SCAPER: variants seen among roughly 807,000 people sequenced by gnomAD.
The protein encoded by SCAPER is S phase cyclin A-associated protein in the endoplasmic reticulum.
Under a neutral mutation model 182.2 loss-of-function variants are expected in SCAPER, and 98 were observed. The observed-to-expected ratio is 0.54, with a 90% CI of 0.46 to 0.64. The LOEUF is 0.64. Among genes scored for constraint, SCAPER ranks in the 30% least tolerant of loss-of-function variants. The pLI is 0.00. For missense variants in SCAPER, 1,432 were observed against 1,690.0 expected (o/e 0.85, Z 2.68); for synonymous variants, 605 against 564.6 (o/e 1.07, Z -1.01).
At position 76,348,521 on chromosome 15, in the gene SCAPER, G is replaced by T; in HGVS notation, c.*112C>A. 3.0e-6 allele frequency: 2 copies of T among 667,190 alleles called. No homozygotes were observed. Among genetic ancestry groups the T allele is most frequent in the Non-Finnish European group, 5.1e-6 (2 of 393,892 alleles). 41.3% of individuals were successfully genotyped at this position (667,190 alleles called of 1,614,324 possible). The stretch of plus-strand genomic sequence containing the variant: ...GTAAAGTACATGCCATATCTACAGT[G>T]TGGGAAGAGTATAAACATGGGAAAA... On this transcript the variant is annotated 3_prime_UTR_variant, in exon 32 of 32. Coordinates refer to ENST00000563290, the MANE Select transcript of SCAPER (RefSeq NM_020843.4).
At chr15:76,536,581 T>A (rs1379161906) in intron 23 of SCAPER, among the ~76,000 whole-genome samples, 1 of 152,212 alleles carries the variant, frequency 6.6e-6, no homozygotes, top group African/African-American at 2.4e-5. Flanking sequence ...ATTTTCCAGC[T>A]TTAAAATGCA....
chr15:76,673,926 A>G (rs1043299930), intron 20 of SCAPER, among the ~76,000 whole-genome samples: 1 of 149,348 alleles, frequency 6.7e-6, no homozygotes, highest in Non-Finnish European at 1.5e-5. Flanking sequence ...AAAAACATTT[A>G]AATCCATCAA....
intron 24 of SCAPER, among the ~76,000 whole-genome samples, chr15:76,475,350 G>A (rs538275710): frequency 2.7e-5 from 4 of 148,288 alleles, no homozygotes; most frequent in African/African-American, 7.4e-5. Flanking sequence ...TTTTTAAGGT[G>A]GAGTCTTGCT....
At chr15:76,723,971 T>C (rs968813383) in intron 17 of SCAPER, among the ~76,000 whole-genome samples, 9 of 152,348 alleles carry the variant, frequency 5.9e-5, no homozygotes, top group African/African-American at 2.2e-4. Context: ...CATTATAATG[T>C]TAGCTGGTTA....
At chr15:76,401,715 G>A (rs1567064381) in intron 27 of SCAPER, among the ~76,000 whole-genome samples, 1 of 152,132 alleles carries the variant, frequency 6.6e-6, no homozygotes, top group African/African-American at 2.4e-5. Flanking sequence ...GCTAACTCTT[G>A]TATGTCCGTA....
At chr15:76,745,573 T>C (rs2061752989) in intron 15 of SCAPER, among the ~76,000 whole-genome samples, 2 of 152,110 alleles carry the variant, frequency 1.3e-5, no homozygotes, top group South Asian at 4.1e-4. Flanking sequence ...AAAATAAAAG[T>C]TGGAATTTTA....
Position 76,357,188 on chromosome 15 carries a change from A to ACC in SCAPER, c.3856-3050_3856-3049dup, listed in dbSNP as rs1555410484. Among the ~76,000 whole-genome samples the ACC allele has an allele frequency of 1.3e-4, 19 of 149,072 alleles. 1 individual carries two copies. The highest frequency in any genetic ancestry group is 4.5e-4 in the African/African-American group (18 of 40,168). On this transcript the variant is annotated intron_variant, in intron 29 of 31. Transcript: ENST00000563290. ...CACACACACACACACACACACACAC[A>ACC]CCCCTATGGCCACTCACCTACCTCG... is the stretch of plus-strand genomic sequence containing the variant.
chr15:76,726,864 C>T (rs1020390484), intron 17 of SCAPER, among the ~76,000 whole-genome samples: 1 of 151,896 alleles, frequency 6.6e-6, no homozygotes, highest in Non-Finnish European at 1.5e-5. Flanking sequence ...GGAGTTACTA[C>T]TTAGTAGATA....
intron 22 of SCAPER, among the ~76,000 whole-genome samples, chr15:76,579,197 C>T (rs533167113): frequency 4.7e-4 from 58 of 123,860 alleles, no homozygotes; most frequent in Admixed American, 4.4e-4. Flanking sequence ...ACCTGGGAGG[C>T]GGAGCTTGCA....
chr15:76,615,074 T>C (rs2051327953), intron 22 of SCAPER, among the ~76,000 whole-genome samples: 2 of 152,186 alleles, frequency 1.3e-5, no homozygotes, highest in South Asian at 2.1e-4. Context: ...GATGAAGAAA[T>C]AGAAGACCTA....
chr15:76,522,695 G>C (rs2144334293), intron 23 of SCAPER, among the ~76,000 whole-genome samples: 1 of 152,164 alleles, frequency 6.6e-6, no homozygotes, highest in South Asian at 2.1e-4. Flanking sequence ...CTAAGGTGTA[G>C]AATTTCTTTT....
rs60963017 is a variant in SCAPER at position 76,654,375 on chromosome 15, T to C, written c.2645+11278A>G. Among the ~76,000 whole-genome samples, 673 of 152,142 alleles carry C rather than the reference T, an allele frequency of 4.4e-3. 6 individuals are homozygous for C. Among genetic ancestry groups the C allele is most frequent in the African/African-American group, 0.015 (641 of 41,494 alleles). On this transcript the variant is annotated intron_variant, in intron 21 of 31. Transcript: ENST00000563290. ...GTGAGCCGAGATCACACCACTGCAC[T>C]CCAGCCTGGGTGACAGAGCGAGACT... is the stretch of plus-strand genomic sequence containing the variant.
intron 20 of SCAPER, among the ~76,000 whole-genome samples, chr15:76,682,977 G>T (rs1387845712): frequency 6.6e-6 from 1 of 152,016 alleles, no homozygotes. Context: ...TAAGATCTGT[G>T]GCAACTCAAA....
At chr15:76,898,658 T>C (rs1318716734) in intron 1 of SCAPER, among the ~76,000 whole-genome samples, 2 of 152,244 alleles carry the variant, frequency 1.3e-5, no homozygotes, top group Non-Finnish European at 2.9e-5. Context: ...TCGTACTGTA[T>C]AATTCCATTT....
intron 29 of SCAPER, among the ~76,000 whole-genome samples, chr15:76,370,547 T>G (rs1399180926): frequency 6.6e-6 from 1 of 152,106 alleles, no homozygotes. Context: ...TCAAGTGATC[T>G]GCCTGCCTCG....
rs112356293 is a variant in SCAPER, at chr15:76,862,080, G to A, written c.124+336C>T. 3.9e-3 allele frequency: 668 copies of A among 171,448 alleles called. 6 individuals are homozygous for A. Among genetic ancestry groups the A allele is most frequent in the African/African-American group, 0.015 (635 of 41,730 alleles). 10.6% of individuals were successfully genotyped at this position (171,448 alleles called of 1,614,324 possible). A position where few individuals can be genotyped will look rare whatever the true frequency, so the allele number is the denominator to read the frequency against. ...ACTTGGTCTCTCCCTTGACACGTGG[G>A]GATTATGGGGATTATAATTCAAGGT... On this transcript the variant is annotated intron_variant, in intron 3 of 31. Transcript: ENST00000563290.
chr15:76,357,265 G>A lies in SCAPER; in HGVS notation c.3856-3125C>T, dbSNP rs1435414220. Among the ~76,000 whole-genome samples, 11 of 150,678 alleles carry A rather than the reference G, an allele frequency of 7.3e-5. No individual in the cohort carries two copies. In the East Asian group the frequency reaches 2.0e-3, roughly 27 times the overall value. Reference sequence around the variant, plus strand: ...AAAGTGTATACACCGGTGTCACCAAGTACCCAATTAAGAATGAGAAGATGA... The same window carrying A: ...AAAGTGTATACACCGGTGTCACCAAATACCCAATTAAGAATGAGAAGATGA... On this transcript the variant is annotated intron_variant, in intron 29 of 31. Transcript: ENST00000563290.
intron 5 of SCAPER, among the ~76,000 whole-genome samples, chr15:76,840,964 A>G (rs1286652247): frequency 1.3e-5 from 2 of 152,210 alleles, no homozygotes; most frequent in Non-Finnish European, 2.9e-5. Context: ...CCCTGACCAA[A>G]GTGAATTAGA....
chr15:76,358,603 C>A (rs1332745748), intron 29 of SCAPER, among the ~76,000 whole-genome samples: 1 of 152,232 alleles, frequency 6.6e-6, no homozygotes, highest in Non-Finnish European at 1.5e-5. Context: ...AGCGAGATCT[C>A]TCCTTTCCTT....
Sources: allele counts gnomAD v4.1 joint callset (sites outside exome capture counted in the v4.1 genomes callset), GRCh38; gene constraint gnomAD v4.1.1; transcripts MANE v1.5; gene names NCBI Gene and HGNC (gene_info 2026-07-23, HGNC 2026-07-21).